Variants in CNTNAP2 observed in about 807,000 individuals in gnomAD.
The protein encoded by CNTNAP2 is contactin associated protein 2, also known as contactin-associated protein-like 2.
A neutral mutation model predicts 155.2 loss-of-function variants in CNTNAP2; 98 were observed. The ratio of observed to expected loss-of-function variants is 0.63; its 90% confidence interval spans 0.54 to 0.75. The LOEUF (loss-of-function observed/expected upper bound fraction) is 0.75. Ranked by LOEUF, CNTNAP2 falls within the 30% of genes least tolerant of loss-of-function variation. The pLI, the probability that CNTNAP2 is intolerant of heterozygous loss-of-function variation, is 0.00. For synonymous variants in CNTNAP2, 651 were observed against 631.2 expected, an observed-to-expected ratio of 1.03 and a Z score of -0.47; for missense variants, 1,727 against 1,688.1, an observed-to-expected ratio of 1.02 and a Z score of -0.40.
intron 8 of CNTNAP2, among the ~76,000 whole-genome samples, chr7:147,208,782 TTGATTA>T (rs1803074077): frequency 6.6e-6 from 1 of 152,006 alleles, no homozygotes; most frequent in South Asian, 2.1e-4. Context: ...ATAATGTAAT[TTGATTA>T]TAAGAATATT....
intron 12 of CNTNAP2, among the ~76,000 whole-genome samples, chr7:147,568,545 CT>C (rs1433296801): frequency 6.6e-6 from 1 of 152,056 alleles, no homozygotes; most frequent in Non-Finnish European, 1.5e-5. Context: ...AGCCTGGTTT[CT>C]TTTTTTAGAT....
intron 18 of CNTNAP2, among the ~76,000 whole-genome samples, chr7:148,179,040 T>G (rs1331239355): frequency 2.0e-5 from 3 of 152,232 alleles, no homozygotes; most frequent in Non-Finnish European, 4.4e-5. Flanking sequence ...CCTGAAGGGC[T>G]GAGAAGTATG....
At chr7:147,946,791 G>A (rs76241190) in intron 14 of CNTNAP2, among the ~76,000 whole-genome samples, 4,798 of 152,176 alleles carry the variant, frequency 0.032, 269 homozygotes, top group African/African-American at 0.11. Flanking sequence ...AGGCAAATGG[G>A]AAGCTCCCCC....
chr7:148,337,212 C>T (rs1798135823), intron 21 of CNTNAP2, among the ~76,000 whole-genome samples: 1 of 152,052 alleles, frequency 6.6e-6, no homozygotes, highest in Non-Finnish European at 1.5e-5. Flanking sequence ...CCCTGCTGCT[C>T]CCCCTCCCTC....
intron 8 of CNTNAP2, among the ~76,000 whole-genome samples, chr7:147,211,815 A>G (rs1457806167): frequency 6.6e-6 from 1 of 152,176 alleles, no homozygotes; most frequent in African/African-American, 2.4e-5. Flanking sequence ...GGATCCAATT[A>G]AACTAAAGAA....
At chr7:147,303,378 C>T (rs556852721) in intron 9 of CNTNAP2, among the ~76,000 whole-genome samples, 1 of 152,194 alleles carries the variant, frequency 6.6e-6, no homozygotes, top group Non-Finnish European at 1.5e-5. Context: ...GAGTCACCCC[C>T]TCTGGTGTGG....
At chr7:146,831,708 A>T (rs1226198418) in intron 2 of CNTNAP2, among the ~76,000 whole-genome samples, 1 of 140,674 alleles carries the variant, frequency 7.1e-6, no homozygotes, top group Non-Finnish European at 1.5e-5. Context: ...AGTTAAAGCC[A>T]CTTTGTCTGT....
At chr7:147,619,547 T>C (rs1055583884) in intron 12 of CNTNAP2, among the ~76,000 whole-genome samples, 1 of 152,182 alleles carries the variant, frequency 6.6e-6, no homozygotes, top group African/African-American at 2.4e-5. Flanking sequence ...CTAGCAATAT[T>C]CCCTGTGGCC....
intron 3 of CNTNAP2, among the ~76,000 whole-genome samples, chr7:146,973,564 A>T (rs1054600472): frequency 6.6e-6 from 1 of 152,230 alleles, no homozygotes; most frequent in African/African-American, 2.4e-5. Flanking sequence ...TAGGATAATA[A>T]ACCTATGTTA....
chr7:147,362,164 G>A (rs557795661), intron 9 of CNTNAP2, among the ~76,000 whole-genome samples: 2 of 152,208 alleles, frequency 1.3e-5, no homozygotes, highest in Admixed American at 6.5e-5. Context: ...ACTAGGTCTC[G>A]CTCTGTCACC....
intron 20 of CNTNAP2, among the ~76,000 whole-genome samples, chr7:148,260,299 T>C (rs1563015590): frequency 6.6e-6 from 1 of 152,210 alleles, no homozygotes; most frequent in Non-Finnish European, 1.5e-5. Flanking sequence ...CCGTTTTGTC[T>C]CTGGAGTCAG....
intron 3 of CNTNAP2, among the ~76,000 whole-genome samples, chr7:146,930,653 G>C (rs906263630): frequency 1.3e-5 from 2 of 152,204 alleles, no homozygotes; most frequent in African/African-American, 4.8e-5. Flanking sequence ...ATTGGATAAA[G>C]AGTCAAGACT....
At chr7:146,606,401 C>A (rs1172544341) in intron 1 of CNTNAP2, among the ~76,000 whole-genome samples, 1 of 152,104 alleles carries the variant, frequency 6.6e-6, no homozygotes, top group Non-Finnish European at 1.5e-5. Context: ...GATATTATGA[C>A]ATTTTTGATA....
At chr7:147,688,721 C>T (rs1479633645) in intron 13 of CNTNAP2, among the ~76,000 whole-genome samples, 1 of 151,996 alleles carries the variant, frequency 6.6e-6, no homozygotes, top group African/African-American at 2.4e-5. Context: ...CCACACAAGC[C>T]TCTGTGGTTA....
Position 148,108,747 on chromosome 7 carries a change from G to T in CNTNAP2, c.2384-9371G>T, listed in dbSNP as rs189954278. 8.5e-5 allele frequency among the ~76,000 whole-genome samples: 13 copies of T among 152,266 alleles called. No homozygotes were observed. In the East Asian group the frequency reaches 2.5e-3, roughly 29 times the overall value. On this transcript the variant is annotated intron_variant, in intron 15 of 23. Coordinates refer to ENST00000361727, the MANE Select transcript of CNTNAP2 (RefSeq NM_014141.6). ...GAGTGCAGTTAGGAGGAACATGCTT[G>T]GTTGGTTAAGTTGTATTGCACAGCT...
chr7:147,219,804 G>C (rs936019879), intron 8 of CNTNAP2, among the ~76,000 whole-genome samples: 18 of 152,108 alleles, frequency 1.2e-4, no homozygotes, highest in Middle Eastern at 3.4e-3. Flanking sequence ...TGTTGAGACG[G>C]ACTCTCTGTC....
chr7:146,270,181 C>T (rs1800058412), intron 1 of CNTNAP2, among the ~76,000 whole-genome samples: 1 of 152,142 alleles, frequency 6.6e-6, no homozygotes, highest in South Asian at 2.1e-4. Context: ...TGTTCGTCTG[C>T]CCCACTGCCT....
intron 3 of CNTNAP2, among the ~76,000 whole-genome samples, chr7:146,973,439 GTAT>G (rs367562432): frequency 2.5e-4 from 38 of 152,330 alleles, no homozygotes; most frequent in African/African-American, 9.1e-4. Flanking sequence ...CTATTAGCCA[GTAT>G]TATTGTAAGA....
chr7:147,311,061 T>C (rs144569838), intron 9 of CNTNAP2, among the ~76,000 whole-genome samples: 2 of 152,258 alleles, frequency 1.3e-5, no homozygotes, highest in African/African-American at 4.8e-5. Context: ...TCAAGGATGA[T>C]GAGATACTGA....
Sources: allele counts gnomAD v4.1 joint callset (sites outside exome capture counted in the v4.1 genomes callset), GRCh38; gene constraint gnomAD v4.1.1; transcripts MANE v1.5; gene names NCBI Gene and HGNC (gene_info 2026-07-23, HGNC 2026-07-21).